The following CDC16 variants were observed in gnomAD, a reference collection of about 807,000 sequenced individuals.
CDC16 encodes cell division cycle protein 16 homolog.
Under a neutral mutation model 87.0 loss-of-function variants are expected in CDC16, and 34 were observed. That is an observed-to-expected ratio of 0.39 (90% CI 0.30 to 0.52). The LOEUF is 0.52. CDC16 is among the 20% of genes least tolerant of loss of function. The pLI, the probability that CDC16 is intolerant of heterozygous loss-of-function variation, is 0.74. For missense variants in CDC16, 653 were observed against 751.9 expected (o/e 0.87, Z 1.54); for synonymous variants, 263 against 260.6 (o/e 1.01, Z -0.09).
chr13:114,243,992 A>C lies in CDC16; in HGVS notation c.767+3A>C. 1.2e-6 allele frequency: 2 copies of C among 1,601,994 alleles called. No homozygotes were observed. Among genetic ancestry groups the C allele is most frequent in the Non-Finnish European group, 1.7e-6 (2 of 1,170,834 alleles). On this transcript the variant is annotated splice_donor_region_variant and intron_variant, in intron 8 of 17. Coordinates refer to ENST00000356221, the MANE Select transcript of CDC16 (RefSeq NM_001078645.3). ...ATGTGCTACAAGCTTACTTCTGTGT[A>C]AGTATATCCATCCATTTTTCTGTAG...
At chr13:114,267,860 C>T (rs1053076012) in intron 17 of CDC16, among the ~76,000 whole-genome samples, 2 of 152,202 alleles carry the variant, frequency 1.3e-5, no homozygotes, top group African/African-American at 4.8e-5. Context: ...GTTACTCTCT[C>T]ATTCCTCCAA....
At chr13:114,268,496 A>G (rs1205431397) in intron 17 of CDC16, among the ~76,000 whole-genome samples, 1 of 152,188 alleles carries the variant, frequency 6.6e-6, no homozygotes, top group East Asian at 1.9e-4. Context: ...CGTGTTGGTT[A>G]CACCCTATGC....
In CDC16 at chr13:114,256,242, GTGT is replaced by G. The variant is rs571954661; in HGVS notation, c.1098-827_1098-825del. 8.5e-4 allele frequency among the ~76,000 whole-genome samples: 130 copies of G among 152,338 alleles called. 1 individual carries two copies. The highest frequency in any genetic ancestry group is 3.4e-3 in the Middle Eastern group (1 of 294). ...AAATTGGTTTTGATAATTTTTGCCA[GTGT>G]TGTTGTTGCTTCTATGGATGAATAG... On this transcript the variant is annotated intron_variant, in intron 12 of 17. Transcript: ENST00000356221.
intron 12 of CDC16, among the ~76,000 whole-genome samples, chr13:114,254,039 A>C (rs1055437689): frequency 1.3e-5 from 2 of 152,110 alleles, no homozygotes. Flanking sequence ...TTTTATCATT[A>C]TAAAATATCA....
intron 11 of CDC16, among the ~76,000 whole-genome samples, chr13:114,247,645 A>G (rs184953185): frequency 4.5e-4 from 69 of 152,122 alleles, no homozygotes; most frequent in Admixed American, 6.5e-4. Flanking sequence ...TGGGAGGTCA[A>G]TGCAGGTGGA....
At chr13:114,247,116 T>G (rs1449671398) in intron 11 of CDC16, 112 bp downstream of exon 11, 5 of 412,798 alleles carry the variant, frequency 1.2e-5, no homozygotes, top group South Asian at 8.9e-5. Flanking sequence ...AGAATAAATG[T>G]TTTTTTTTTT....
chr13:114,247,745 T>C (rs564020709), intron 11 of CDC16, among the ~76,000 whole-genome samples: 5 of 152,118 alleles, frequency 3.3e-5, no homozygotes, highest in Admixed American at 3.3e-4. Flanking sequence ...GATATAGTAG[T>C]GGGCATCTGC....
At chr13:114,269,949 G>A (rs1301969798) in intron 17 of CDC16, among the ~76,000 whole-genome samples, 5 of 152,068 alleles carry the variant, frequency 3.3e-5, no homozygotes, top group Non-Finnish European at 7.4e-5. Flanking sequence ...CGGGTGATCC[G>A]CCCGCCTCAG....
intron 1 of CDC16, among the ~76,000 whole-genome samples, chr13:114,235,480 A>G (rs1305930212): frequency 6.6e-6 from 1 of 152,226 alleles, no homozygotes; most frequent in African/African-American, 2.4e-5. Context: ...GCTAGCTAAT[A>G]AAACATTTTT....
chr13:114,249,264 G>T (rs17338067), intron 11 of CDC16, among the ~76,000 whole-genome samples: 1,728 of 152,072 alleles, frequency 0.011, 95 homozygotes, highest in Admixed American at 0.08. Flanking sequence ...TAATGCCTCT[G>T]ATCTGACAGG....
At chr13:114,245,785 G>C in intron 9 of CDC16, 1 of 480,216 alleles carries the variant, frequency 2.1e-6, no homozygotes, top group Admixed American at 4.3e-5. Flanking sequence ...TTCGGGAAGT[G>C]CTGTCTTAGG....
At chr13:114,260,774 T>C (rs530764593) in intron 14 of CDC16, among the ~76,000 whole-genome samples, 1 of 151,700 alleles carries the variant, frequency 6.6e-6, no homozygotes. Flanking sequence ...TGCCTAAGAG[T>C]CATTAAATGA....
chr13:114,263,982 G>T (rs1370144479), intron 16 of CDC16, among the ~76,000 whole-genome samples: 1 of 152,018 alleles, frequency 6.6e-6, no homozygotes, highest in Non-Finnish European at 1.5e-5. Flanking sequence ...AGAAAATGTG[G>T]GTCTTAGAAT....
chr13:114,259,525 T>A, intron 14 of CDC16, 127 bp downstream of exon 14: 1 of 534,296 alleles, frequency 1.9e-6, no homozygotes, highest in Non-Finnish European at 3.2e-6. Flanking sequence ...AACAAGCGGC[T>A]GTTAATGTTT....
rs762830257 is a variant in CDC16, at chr13:114,257,147, G to T, written c.1167G>T (p.Arg389Ser). ...GLTNNSKLAE[R>S]FFSQALSIAP... is the part of the protein sequence containing the mutation. Reference sequence around the variant, plus strand: ...CCAATAACTCAAAACTAGCTGAAAGGTTCTTCAGCCAAGCTCTGAGCATTG... The same window carrying T: ...CCAATAACTCAAAACTAGCTGAAAGTTTCTTCAGCCAAGCTCTGAGCATTG... Residue 389 changes from arginine to serine, a missense_variant, in exon 13 of 18, where the codon AGG (arginine) becomes AGT (serine). By Grantham distance (110) the Arg-to-Ser change is moderately radical (BLOSUM62 -1). Transcript: ENST00000356221. 5.0e-6 allele frequency: 8 copies of T among 1,611,906 alleles called. No individual in the cohort carries two copies. The highest frequency in any genetic ancestry group is 6.8e-6 in the Non-Finnish European group (8 of 1,178,090).
chr13:114,249,402 T>TC (rs2082042669), intron 11 of CDC16, among the ~76,000 whole-genome samples: 1 of 151,876 alleles, frequency 6.6e-6, no homozygotes, highest in Non-Finnish European at 1.5e-5. Flanking sequence ...GCCACTCACC[T>TC]CCTGCTGTGC....
intron 11 of CDC16, among the ~76,000 whole-genome samples, chr13:114,248,710 G>A (rs1348421673): frequency 6.6e-6 from 1 of 152,006 alleles, no homozygotes; most frequent in Non-Finnish European, 1.5e-5. Flanking sequence ...GGGGGTGGGG[G>A]AGATGTCATA....
intron 1 of CDC16, 126 bp from the exon 2 acceptor site, chr13:114,236,519 G>C: frequency 1.2e-6 from 1 of 816,056 alleles, no homozygotes; most frequent in African/African-American, 1.8e-5. Flanking sequence ...TTGTTGTCTT[G>C]AGATGAAGAT....
chr13:114,272,098 AATG>A (rs2139249217), intron 17 of CDC16, 83 bp from the exon 18 acceptor site: 1 of 753,788 alleles, frequency 1.3e-6, no homozygotes, highest in East Asian at 2.8e-5. Flanking sequence ...ATCTGACTTA[AATG>A]ATAAGAGATG....
Sources: gnomAD v4.1 joint callset for allele counts (sites outside exome capture counted in the v4.1 genomes callset) on GRCh38, gnomAD v4.1.1 for gene constraint, MANE v1.5 for transcripts, NCBI Gene and HGNC (gene_info 2026-07-23, HGNC 2026-07-21) for gene names.